INO80D: variants seen among roughly 807,000 people sequenced by gnomAD.
INO80D encodes the protein INO80 complex subunit D.
INO80D carries 21 observed loss-of-function variants against 87.6 expected under a neutral mutation model. That is an observed-to-expected ratio of 0.24 (90% CI 0.17 to 0.35). The LOEUF is 0.35. INO80D is among the 10% of genes least tolerant of loss of function. The probability of loss-of-function intolerance (pLI) is 1.00; values close to 1 mark genes in which losing one functional copy is unlikely to be tolerated. For synonymous variants in INO80D, 440 were observed against 491.0 expected (o/e 0.90, Z 1.37); for missense variants, 982 against 1,280.7 (o/e 0.77, Z 3.56).
chr2:206,083,989 GAAC>G (rs1308654528), intron 1 of INO80D, among the ~76,000 whole-genome samples: 1 of 151,326 alleles, frequency 6.6e-6, no homozygotes, highest in South Asian at 2.1e-4. Flanking sequence ...CAACACTCAA[GAAC>G]AACAAGGAGG....
At chr2:206,023,147 GC>G (rs1688511692) in intron 6 of INO80D, among the ~76,000 whole-genome samples, 1 of 152,008 alleles carries the variant, frequency 6.6e-6, no homozygotes, top group African/African-American at 2.4e-5. Flanking sequence ...CTTGCAGGGA[GC>G]CAAGACAGCG....
chr2:206,018,232 C>T (rs1255308480), intron 7 of INO80D, among the ~76,000 whole-genome samples: 2 of 152,192 alleles, frequency 1.3e-5, no homozygotes, highest in African/African-American at 4.8e-5. Context: ...CCTCGGCCTC[C>T]CGGGTTCAAG....
At chr2:206,038,339 G>A (rs1322639035) in intron 5 of INO80D, among the ~76,000 whole-genome samples, 1 of 152,046 alleles carries the variant, frequency 6.6e-6, no homozygotes. Context: ...TGACCTTGAG[G>A]GTAAAAAGAG....
chr2:206,064,408 G>C (rs750182488), intron 1 of INO80D, among the ~76,000 whole-genome samples: 4 of 152,100 alleles, frequency 2.6e-5, no homozygotes, highest in Non-Finnish European at 5.9e-5. Context: ...ATGGCTGATG[G>C]AACAGCTCAG....
At chr2:206,073,616 T>G (rs2105904137) in intron 1 of INO80D, among the ~76,000 whole-genome samples, 1 of 152,202 alleles carries the variant, frequency 6.6e-6, no homozygotes, top group Non-Finnish European at 1.5e-5. Context: ...CCAGCTCAAG[T>G]GATCCTTCCA....
intron 1 of INO80D, among the ~76,000 whole-genome samples, chr2:206,083,860 C>CAAAAAAA (rs35840816): frequency 1.0e-5 from 1 of 99,594 alleles, no homozygotes. Context: ...CTAAGCTCAC[C>CAAAAAAA]AAAAAAAAAA....
At chr2:206,070,452 G>A (rs1689931060) in intron 1 of INO80D, among the ~76,000 whole-genome samples, 1 of 151,804 alleles carries the variant, frequency 6.6e-6, no homozygotes, top group African/African-American at 2.4e-5. Flanking sequence ...CAGGCGCGGT[G>A]GCTCATGCCT....
intron 1 of INO80D, among the ~76,000 whole-genome samples, chr2:206,082,206 G>A (rs1050916034): frequency 6.6e-6 from 1 of 152,028 alleles, no homozygotes; most frequent in African/African-American, 2.4e-5. Flanking sequence ...TTTTAGTAGC[G>A]ACGGGGTTTC....
chr2:206,056,993 A>T, intron 3 of INO80D, 50 bp from the exon 4 acceptor site: 2 of 1,486,648 alleles, frequency 1.3e-6, no homozygotes, highest in South Asian at 1.4e-5. Context: ...CATATTTTTT[A>T]AAAGTAGAAC....
intron 8 of INO80D, among the ~76,000 whole-genome samples, chr2:206,013,367 C>T (rs1575800827): frequency 6.6e-6 from 1 of 152,154 alleles, no homozygotes; most frequent in Non-Finnish European, 1.5e-5. Context: ...TCCTGGCTAA[C>T]ATGGTGAAAC....
rs1159722353 is a variant in INO80D at position 205,995,451 on chromosome 2, C to T, written c.*8917G>A. On this transcript the variant is annotated 3_prime_UTR_variant, in exon 11 of 11. Coordinates refer to ENST00000403263, the MANE Select transcript of INO80D (RefSeq NM_017759.5). ...AAATCATTACATACAACTGCCACTG[C>T]AGTGACAATATTCCAGTAGGGGCAG... 1 of 152,188 alleles carries T rather than the reference C, an allele frequency of 6.6e-6. No homozygotes were observed. The highest frequency in any genetic ancestry group is 1.5e-5 in the Non-Finnish European group (1 of 68,030). 9.4% of individuals were successfully genotyped at this position (152,188 alleles called of 1,614,324 possible).
chr2:206,028,973 C>T (rs2105835468), intron 5 of INO80D, among the ~76,000 whole-genome samples: 1 of 151,936 alleles, frequency 6.6e-6, no homozygotes, highest in East Asian at 1.9e-4. Context: ...CTGCAAGCTC[C>T]ATCTCCTGGG....
chr2:206,015,839 A>C (rs1688303578), intron 8 of INO80D, among the ~76,000 whole-genome samples: 1 of 152,178 alleles, frequency 6.6e-6, no homozygotes, highest in Non-Finnish European at 1.5e-5. Flanking sequence ...GTGAGCCAAG[A>C]TCAAACCACT....
rs573735524 is a variant in INO80D at position 206,027,520 on chromosome 2, G to A, written c.1298+591C>T. ...TTGAGACCAGCTTGGGCAATACAGC[G>A]AGACCCTCACCTCTACAAAAAAAAA... On this transcript the variant is annotated intron_variant, in intron 6 of 10. Coordinates refer to ENST00000403263, the MANE Select transcript of INO80D (RefSeq NM_017759.5). Among the ~76,000 whole-genome samples, 20 of 152,176 alleles carry A rather than the reference G, an allele frequency of 1.3e-4. No individual in the cohort carries two copies. The East Asian group carries it at 1.7e-3, about 13-fold the overall frequency.
chr2:206,024,380 G>A (rs796306441), intron 6 of INO80D, among the ~76,000 whole-genome samples: 2 of 152,136 alleles, frequency 1.3e-5, no homozygotes, highest in African/African-American at 4.8e-5. Context: ...GGGAATCAGG[G>A]AATGTATCTC....
rs192935871 is a variant in INO80D at position 206,077,262 on chromosome 2, C to T, written c.-124+8639G>A. On this transcript the variant is annotated intron_variant, in intron 1 of 10. Transcript: ENST00000403263. ...GGCTGAGGCAGGAAAATGGTGTGAACCCGAAAGGCGGAGCTTGCAGTGAGC... is the reference window on the plus strand; with the variant it reads ...GGCTGAGGCAGGAAAATGGTGTGAATCCGAAAGGCGGAGCTTGCAGTGAGC... 3.3e-3 allele frequency among the ~76,000 whole-genome samples: 504 copies of T among 152,000 alleles called. 6 individuals carry two copies. The highest frequency in any genetic ancestry group is 0.012 in the African/African-American group (482 of 41,488).
At chr2:206,069,965 C>T (rs953838290) in intron 1 of INO80D, among the ~76,000 whole-genome samples, 8 of 152,242 alleles carry the variant, frequency 5.3e-5, no homozygotes, top group Non-Finnish European at 8.8e-5. Context: ...CTATAAGCCA[C>T]GATTTTTCTA....
intron 1 of INO80D, among the ~76,000 whole-genome samples, chr2:206,076,309 G>A (rs1690115112): frequency 6.6e-6 from 1 of 152,180 alleles, no homozygotes; most frequent in South Asian, 2.1e-4. Flanking sequence ...AGTGGATACT[G>A]TTAAAATCAT....
chr2:206,023,302 A>G (rs1688516420), intron 6 of INO80D, among the ~76,000 whole-genome samples: 1 of 152,132 alleles, frequency 6.6e-6, no homozygotes, highest in Admixed American at 6.5e-5. Context: ...TCTTTTTTTG[A>G]AACTAGGACT....
Sources: gnomAD v4.1 joint callset for allele counts (sites outside exome capture counted in the v4.1 genomes callset) on GRCh38, gnomAD v4.1.1 for gene constraint, MANE v1.5 for transcripts, NCBI Gene and HGNC (gene_info 2026-07-23, HGNC 2026-07-21) for gene names.